Variants in DYTN observed in about 807,000 individuals in gnomAD.
DYTN encodes the protein dystrotelin.
DYTN carries 75 observed loss-of-function variants against 69.6 expected under a neutral mutation model. That is an observed-to-expected ratio of 1.08 (90% CI 0.89 to 1.31). The LOEUF is 1.31. DYTN is among the 50% of genes most tolerant of loss of function. The pLI is 0.00. For synonymous variants in DYTN, 252 were observed against 249.1 expected (o/e 1.01, Z -0.11); for missense variants, 726 against 688.4 (o/e 1.05, Z -0.61).
chr2:206,656,630 T>G (rs532759381), intron 11 of DYTN, among the ~76,000 whole-genome samples: 2 of 152,190 alleles, frequency 1.3e-5, no homozygotes, highest in Non-Finnish European at 2.9e-5. Flanking sequence ...TTGACAGCTA[T>G]TATATTTGCA....
At chr2:206,675,050 A>G in intron 9 of DYTN, among the ~76,000 whole-genome samples, 1 of 151,130 alleles carries the variant, frequency 6.6e-6, no homozygotes, top group Non-Finnish European at 1.5e-5. Flanking sequence ...GGAGTCTTTC[A>G]GGAATAAAGA....
At chr2:206,683,704 G>T (rs973455279) in intron 9 of DYTN, among the ~76,000 whole-genome samples, 2 of 151,910 alleles carry the variant, frequency 1.3e-5, no homozygotes, top group African/African-American at 4.8e-5. Context: ...CCCCCTTGCT[G>T]TTCTTTGAAT....
intron 5 of DYTN, 100 bp from the exon 6 acceptor site, chr2:206,700,316 C>G: frequency 7.7e-7 from 1 of 1,304,388 alleles, no homozygotes; most frequent in Non-Finnish European, 1.1e-6. Context: ...TGTGTAGTCA[C>G]AAGTATTTGG....
chr2:206,718,199 A>T, intron 1 of DYTN, 62 bp downstream of exon 1: 1 of 1,522,110 alleles, frequency 6.6e-7, no homozygotes, highest in Non-Finnish European at 8.9e-7. Context: ...CTGAAAATAT[A>T]ACATCTGTGC....
intron 7 of DYTN, among the ~76,000 whole-genome samples, chr2:206,698,972 C>A (rs1699948498): frequency 6.6e-6 from 1 of 152,218 alleles, no homozygotes; most frequent in South Asian, 2.1e-4. Context: ...TTTAACTTCT[C>A]TGTAAATAGG....
At chr2:206,709,173 C>T (rs559204180) in intron 2 of DYTN, among the ~76,000 whole-genome samples, 29 of 152,216 alleles carry the variant, frequency 1.9e-4, no homozygotes, top group African/African-American at 5.5e-4. Context: ...TAAGGCCAGG[C>T]GCGGTGGCTG....
At chr2:206,671,961 A>G (rs10177910) in intron 9 of DYTN, among the ~76,000 whole-genome samples, 21,401 of 152,158 alleles carry the variant, frequency 0.14, 2,411 homozygotes, top group African/African-American at 0.31. Context: ...GCCTCCTTGT[A>G]CACATGTGCA....
intron 9 of DYTN, among the ~76,000 whole-genome samples, chr2:206,680,832 A>G (rs1392998793): frequency 2.6e-5 from 4 of 152,140 alleles, no homozygotes; most frequent in African/African-American, 9.7e-5. Flanking sequence ...CAGTTTTTCT[A>G]TGAATTCATT....
chr2:206,654,510 C>T (rs1267190752), intron 11 of DYTN, among the ~76,000 whole-genome samples: 1 of 151,986 alleles, frequency 6.6e-6, no homozygotes, highest in South Asian at 2.1e-4. Flanking sequence ...AAATATTTGT[C>T]GATCAACTGT....
intron 11 of DYTN, among the ~76,000 whole-genome samples, chr2:206,659,662 G>A (rs1036816247): frequency 2.6e-5 from 4 of 151,866 alleles, no homozygotes; most frequent in Non-Finnish European, 5.9e-5. Context: ...GATTAAGTTT[G>A]GTATACTTTT....
chr2:206,660,481 C>T (rs1287160153), intron 11 of DYTN, among the ~76,000 whole-genome samples: 1 of 152,096 alleles, frequency 6.6e-6, no homozygotes, highest in East Asian at 1.9e-4. Context: ...TTCTCCAGCT[C>T]ATTTAGAGAA....
chr2:206,717,687 A>G (rs1476284194), intron 1 of DYTN, among the ~76,000 whole-genome samples: 1 of 152,248 alleles, frequency 6.6e-6, no homozygotes, highest in Non-Finnish European at 1.5e-5. Flanking sequence ...CATATAAAAC[A>G]AGTAAGATAA....
intron 11 of DYTN, among the ~76,000 whole-genome samples, chr2:206,662,392 C>T (rs1171704560): frequency 2.0e-5 from 3 of 151,946 alleles, no homozygotes; most frequent in African/African-American, 7.3e-5. Context: ...CAATGGCACT[C>T]CAAAACAGAA....
rs545913406 is a variant in DYTN, at chr2:206,693,805, C to T, written c.832-482G>A. On this transcript the variant is annotated intron_variant, in intron 8 of 11. Transcript: ENST00000452335. ...AATGCAAAGAAGGAATGAGATGTCT[C>T]ATTTCAAGGGTTTCAGCACTTGAAA... 3.9e-5 allele frequency among the ~76,000 whole-genome samples: 6 copies of T among 152,328 alleles called. No homozygotes were observed. The East Asian group carries it at 7.7e-4, about 20-fold the overall frequency.
At chr2:206,659,296 C>T (rs1229697888) in intron 11 of DYTN, among the ~76,000 whole-genome samples, 109 of 150,568 alleles carry the variant, frequency 7.2e-4, no homozygotes, top group Non-Finnish European at 1.5e-3. Flanking sequence ...CTCAGGCTCC[C>T]GAGTAGCTGG....
Position 206,705,774 on chromosome 2 carries a change from C to A in DYTN, c.382+14G>T. ...CACTGCACTTTAGGACACCCGCAGT[C>A]CTCTGCATGTTACCTCGGTATTTTG... On this transcript the variant is annotated intron_variant, in intron 4 of 11. Transcript: ENST00000452335. The A allele has an allele frequency of 1.2e-6, 2 of 1,612,740 alleles. No individual in the cohort carries two copies. Among genetic ancestry groups the A allele is most frequent in the Non-Finnish European group, 1.7e-6 (2 of 1,179,422 alleles).
chr2:206,653,174 T>A (rs910904518), intron 11 of DYTN, among the ~76,000 whole-genome samples: 2 of 152,220 alleles, frequency 1.3e-5, no homozygotes, highest in Non-Finnish European at 2.9e-5. Flanking sequence ...GAGGCAAACT[T>A]ATTTTAAGAC....
At chr2:206,694,481 A>G (rs1286746613) in intron 8 of DYTN, among the ~76,000 whole-genome samples, 1 of 152,188 alleles carries the variant, frequency 6.6e-6, no homozygotes, top group Admixed American at 6.5e-5. Context: ...TGCTCCCTGT[A>G]ACTCTTCACT....
intron 9 of DYTN, among the ~76,000 whole-genome samples, chr2:206,674,564 T>C (rs1053269157): frequency 6.6e-6 from 1 of 152,116 alleles, no homozygotes; most frequent in African/African-American, 2.4e-5. Context: ...AGATGAAATA[T>C]GACTCAGTTG....
Sources: allele counts gnomAD v4.1 joint callset (sites outside exome capture counted in the v4.1 genomes callset), GRCh38; gene constraint gnomAD v4.1.1; transcripts MANE v1.5; gene names NCBI Gene and HGNC (gene_info 2026-07-23, HGNC 2026-07-21).